GPATCH2: variants seen among roughly 807,000 people sequenced by gnomAD.
GPATCH2 encodes the protein G patch domain-containing protein 2.
Under a neutral mutation model 58.0 loss-of-function variants are expected in GPATCH2, and 51 were observed. That is an observed-to-expected ratio of 0.88 (90% CI 0.70 to 1.11). GPATCH2 has a LOEUF of 1.11. Among genes scored for constraint, GPATCH2 ranks in the 50% most tolerant of loss-of-function variants. The pLI, the probability that GPATCH2 is intolerant of heterozygous loss-of-function variation, is 0.00. For missense variants in GPATCH2, 625 were observed against 652.2 expected, an observed-to-expected ratio of 0.96 and a Z score of 0.45; for synonymous variants, 222 against 218.5, an observed-to-expected ratio of 1.02 and a Z score of -0.14.
chr1:217,563,310 A>C (rs886157464), intron 5 of GPATCH2, among the ~76,000 whole-genome samples: 6 of 152,212 alleles, frequency 3.9e-5, no homozygotes, highest in African/African-American at 1.4e-4. Flanking sequence ...AAAAATAGTT[A>C]TACTGCTCAA....
chr1:217,610,825 T>C, intron 4 of GPATCH2, 64 bp downstream of exon 4: 1 of 1,129,658 alleles, frequency 8.9e-7, no homozygotes, highest in Non-Finnish European at 1.3e-6. Context: ...TTATCCTCCT[T>C]GAATGAATAT....
chr1:217,561,403 A>G (rs1026909093), intron 5 of GPATCH2, among the ~76,000 whole-genome samples: 4 of 152,216 alleles, frequency 2.6e-5, no homozygotes, highest in Admixed American at 2.6e-4. Context: ...CACTTGGAGA[A>G]TAAAAAACTG....
intron 5 of GPATCH2, chr1:217,609,956 C>G (rs1469148928): frequency 8.6e-6 from 11 of 1,286,094 alleles, no homozygotes; most frequent in African/African-American, 1.5e-5. Context: ...AACCTAAATC[C>G]CTAGAAAGCC....
chr1:217,567,516 T>C (rs952230778), intron 5 of GPATCH2, among the ~76,000 whole-genome samples: 1 of 152,228 alleles, frequency 6.6e-6, no homozygotes, highest in African/African-American at 2.4e-5. Flanking sequence ...GCAAGCACAC[T>C]ACCTTAGCTG....
At chr1:217,579,373 G>GA (rs143211918) in intron 5 of GPATCH2, among the ~76,000 whole-genome samples, 31,461 of 146,632 alleles carry the variant, frequency 0.21, 4,184 homozygotes, top group East Asian at 0.52. Flanking sequence ...ACACAGACAA[G>GA]AAAAAAAAAA....
intron 5 of GPATCH2, among the ~76,000 whole-genome samples, chr1:217,552,261 G>A (rs1665402564): frequency 6.6e-6 from 1 of 152,018 alleles, no homozygotes; most frequent in Non-Finnish European, 1.5e-5. Context: ...CTAAAGTTCA[G>A]CCTTTACATA....
At position 217,554,056 on chromosome 1, in the gene GPATCH2, G is replaced by A. The variant is rs1571908793; in HGVS notation, c.1099-39167C>T. 2.6e-5 allele frequency among the ~76,000 whole-genome samples: 4 copies of A among 152,234 alleles called. No individual in the cohort carries two copies. In the South Asian group the frequency reaches 6.2e-4, roughly 24 times the overall value. ...CAGCGCAAACAACTCATCCTTCTTC[G>A]GACCTTCTTGTCCAGCTCTTGAGCT... is the stretch of plus-strand genomic sequence containing the variant. On this transcript the variant is annotated intron_variant, in intron 5 of 9. Transcript: ENST00000366935.
chr1:217,474,889 A>C (rs551738068), intron 8 of GPATCH2, among the ~76,000 whole-genome samples: 18 of 152,350 alleles, frequency 1.2e-4, no homozygotes, highest in African/African-American at 3.8e-4. Context: ...AGATACTATT[A>C]AAAATACTAA....
chr1:217,517,023 T>C (rs1239450484), intron 5 of GPATCH2, among the ~76,000 whole-genome samples: 1 of 152,222 alleles, frequency 6.6e-6, no homozygotes, highest in Non-Finnish European at 1.5e-5. Context: ...TTATAGCTAA[T>C]TTATACCATA....
At chr1:217,554,426 T>C (rs1264411762) in intron 5 of GPATCH2, among the ~76,000 whole-genome samples, 3 of 152,162 alleles carry the variant, frequency 2.0e-5, no homozygotes, top group African/African-American at 7.2e-5. Context: ...TTAATAACAC[T>C]ACATTGCCTG....
At chr1:217,590,024 C>CTT (rs771810707) in intron 5 of GPATCH2, among the ~76,000 whole-genome samples, 3,936 of 138,506 alleles carry the variant, frequency 0.028, 139 homozygotes, top group East Asian at 0.16. Context: ...TGTACAACGT[C>CTT]TTTTTTTTTT....
intron 5 of GPATCH2, among the ~76,000 whole-genome samples, chr1:217,581,140 T>C (rs1324082990): frequency 1.3e-5 from 2 of 151,974 alleles, no homozygotes; most frequent in Non-Finnish European, 2.9e-5. Flanking sequence ...AGATTAAATT[T>C]AAGCATCTCC....
intron 5 of GPATCH2, among the ~76,000 whole-genome samples, chr1:217,598,403 C>T: frequency 6.6e-6 from 1 of 151,664 alleles, no homozygotes; most frequent in East Asian, 1.9e-4. Context: ...CAAAACAAAA[C>T]AAAAAACCAT....
At chr1:217,503,595 T>C (rs1046546748) in intron 6 of GPATCH2, among the ~76,000 whole-genome samples, 4 of 152,114 alleles carry the variant, frequency 2.6e-5, no homozygotes, top group Admixed American at 2.0e-4. Context: ...CAAATTTAAA[T>C]AGCAGTCTTA....
chr1:217,545,930 T>G (rs186541354), intron 5 of GPATCH2, among the ~76,000 whole-genome samples: 1 of 152,234 alleles, frequency 6.6e-6, no homozygotes, highest in Non-Finnish European at 1.5e-5. Context: ...TCAATAATTT[T>G]CTCTGGGTAA....
At chr1:217,515,187 C>T (rs369294139) in intron 5 of GPATCH2, among the ~76,000 whole-genome samples, 1 of 151,864 alleles carries the variant, frequency 6.6e-6, no homozygotes, top group South Asian at 2.1e-4. Flanking sequence ...GCTCCGCCTC[C>T]CAGGTTCACG....
At chr1:217,560,228 C>T (rs1665855845) in intron 5 of GPATCH2, among the ~76,000 whole-genome samples, 1 of 152,148 alleles carries the variant, frequency 6.6e-6, no homozygotes, top group Non-Finnish European at 1.5e-5. Context: ...AGCTTGTACT[C>T]CAAGAGCCTT....
At chr1:217,535,467 A>C (rs1664414312) in intron 5 of GPATCH2, among the ~76,000 whole-genome samples, 1 of 152,180 alleles carries the variant, frequency 6.6e-6, no homozygotes, top group Non-Finnish European at 1.5e-5. Flanking sequence ...CTCCTGCCTC[A>C]GCCTCCACAG....
At position 217,447,405 on chromosome 1, in the gene GPATCH2, T is replaced by C. The variant is rs142634994; in HGVS notation, c.1366+1844A>G. Among the ~76,000 whole-genome samples, 338 of 152,332 alleles carry C rather than the reference T, an allele frequency of 2.2e-3. 2 individuals are homozygous for C. The highest frequency in any genetic ancestry group is 7.9e-3 in the African/African-American group (327 of 41,574). On this transcript the variant is annotated intron_variant, in intron 9 of 9. Coordinates refer to ENST00000366935, the MANE Select transcript of GPATCH2 (RefSeq NM_018040.5). ...GGAAAGAGCATGGATTTAGGTGTTA[T>C]GCAGACCTAGGCTTGAAACCTTCCC...
Sources: allele counts gnomAD v4.1 joint callset (sites outside exome capture counted in the v4.1 genomes callset), GRCh38; gene constraint gnomAD v4.1.1; transcripts MANE v1.5; gene names NCBI Gene and HGNC (gene_info 2026-07-23, HGNC 2026-07-21).